Variants in EBF4 observed in about 807,000 individuals in gnomAD.
EBF4 encodes EBF transcription factor 4.
A neutral mutation model predicts 67.1 loss-of-function variants in EBF4; 34 were observed. The ratio of observed to expected loss-of-function variants is 0.51; its 90% CI spans 0.39 to 0.67. The LOEUF (loss-of-function observed/expected upper bound fraction) is 0.67, where lower values mean the gene tolerates loss of function less well. EBF4 is among the 30% of genes least tolerant of loss of function. The pLI is 0.00. For missense variants in EBF4, 837 were observed against 873.3 expected, an observed-to-expected ratio of 0.96 and a Z score of 0.52; for synonymous variants, 387 against 377.7, an observed-to-expected ratio of 1.02 and a Z score of -0.29.
chr20:2,710,037 C>G (rs2146396019), intron 6 of EBF4, among the ~76,000 whole-genome samples: 1 of 152,364 alleles, frequency 6.6e-6, no homozygotes, highest in East Asian at 1.9e-4. Flanking sequence ...GACCTGACTT[C>G]TCTGAACATT....
intron 10 of EBF4, among the ~76,000 whole-genome samples, chr20:2,750,845 G>C (rs2146502118): frequency 6.6e-6 from 1 of 152,298 alleles, no homozygotes; most frequent in Non-Finnish European, 1.5e-5. Context: ...AGGTTGACCT[G>C]GGGAAGGAAG....
At chr20:2,700,046 C>T (rs969348888) in intron 1 of EBF4, among the ~76,000 whole-genome samples, 2 of 152,172 alleles carry the variant, frequency 1.3e-5, no homozygotes, top group African/African-American at 2.4e-5. Flanking sequence ...AAGTAACAGC[C>T]GTAGAAGCCC....
intron 6 of EBF4, among the ~76,000 whole-genome samples, chr20:2,721,624 T>C (rs567164939): frequency 1.3e-5 from 2 of 152,142 alleles, no homozygotes; most frequent in South Asian, 4.2e-4. Context: ...CCAGCTAATT[T>C]TTGTATTTTT....
At position 2,747,740 on chromosome 20, in the gene EBF4, A is replaced by C. The variant is rs920123334; in HGVS notation, c.558-809A>C. Among the ~76,000 whole-genome samples, 1 of 152,214 alleles carries C rather than the reference A, an allele frequency of 6.6e-6. No individual in the cohort carries two copies. The highest frequency in any genetic ancestry group is 6.5e-5 in the Admixed American group (1 of 15,284). On this transcript the variant is annotated intron_variant, in intron 6 of 16. Transcript: ENST00000609451. This position sits in a 1 kb window ranked among gnomAD's most constrained non-coding sequence, Gnocchi z 4.6. ...AACTATATTTTGGGTAATCATTTAC[A>C]ACATAAAATGCGTATTAATGTATTT...
chr20:2,730,622 C>T (rs1020678611), intron 6 of EBF4, among the ~76,000 whole-genome samples: 1 of 152,174 alleles, frequency 6.6e-6, no homozygotes, highest in Non-Finnish European at 1.5e-5. Flanking sequence ...GCCACCATAT[C>T]ACTCAAAACA....
chr20:2,740,807 G>C (rs1433586685), intron 6 of EBF4, among the ~76,000 whole-genome samples: 1 of 152,172 alleles, frequency 6.6e-6, no homozygotes, highest in Non-Finnish European at 1.5e-5. Flanking sequence ...GAGGTCTGGA[G>C]TGTGAATGGC....
chr20:2,735,769 C>T lies in EBF4; in HGVS notation c.558-12780C>T, dbSNP rs527887388. ...AGAAGAGAGGCTTAAACAATGATCC[C>T]TGCCCTCTGAGAGCTTACAGAGCAG... On this transcript the variant is annotated intron_variant, in intron 6 of 16. Coordinates refer to ENST00000609451, the Ensembl canonical transcript of EBF4. 1.5e-4 allele frequency among the ~76,000 whole-genome samples: 23 copies of T among 152,260 alleles called. No homozygotes were observed. In the South Asian group the frequency reaches 4.8e-3, roughly 32 times the overall value.
At chr20:2,725,570 A>G (rs529577205) in intron 6 of EBF4, among the ~76,000 whole-genome samples, 3 of 152,228 alleles carry the variant, frequency 2.0e-5, no homozygotes, top group East Asian at 1.9e-4. Context: ...TATTTCTGCT[A>G]TTACTCATGG....
chr20:2,717,261 T>TTAG (rs2087622170), intron 6 of EBF4, among the ~76,000 whole-genome samples: 1 of 152,336 alleles, frequency 6.6e-6, no homozygotes, highest in East Asian at 1.9e-4. Flanking sequence ...ACTTACCAGG[T>TTAG]TCTAGGCTTT....
chr20:2,754,547 G>T (rs1279570230), intron 14 of EBF4, among the ~76,000 whole-genome samples: 3 of 152,224 alleles, frequency 2.0e-5, no homozygotes, highest in Non-Finnish European at 4.4e-5. Context: ...GCATTTGGAA[G>T]AGGGGCAGCT....
intron 6 of EBF4, among the ~76,000 whole-genome samples, chr20:2,727,689 C>T (rs1247859480): frequency 1.3e-5 from 2 of 152,160 alleles, no homozygotes; most frequent in Admixed American, 6.5e-5. Context: ...TTAAAAATCC[C>T]ACCAACAAAG....
intron 6 of EBF4, among the ~76,000 whole-genome samples, chr20:2,719,221 T>C (rs1312503545): frequency 6.6e-6 from 1 of 152,122 alleles, no homozygotes; most frequent in Admixed American, 6.6e-5. Context: ...GCCTCCTAAA[T>C]AGCTGTGACT....
intron 6 of EBF4, among the ~76,000 whole-genome samples, chr20:2,711,326 G>T (rs1251883225): frequency 6.6e-6 from 1 of 151,966 alleles, no homozygotes; most frequent in East Asian, 1.9e-4. Context: ...TCATTGTATG[G>T]GTATGCCATA....
intron 10 of EBF4, among the ~76,000 whole-genome samples, chr20:2,750,934 A>G (rs1176652563): frequency 5.9e-5 from 9 of 152,262 alleles, no homozygotes; most frequent in African/African-American, 2.2e-4. Context: ...AAGGAAATCC[A>G]CTAAGTCAGG....
At chr20:2,732,970 CT>C (rs1453464136) in intron 6 of EBF4, among the ~76,000 whole-genome samples, 1 of 152,168 alleles carries the variant, frequency 6.6e-6, no homozygotes, top group Non-Finnish European at 1.5e-5. Context: ...TATGTAGTGA[CT>C]TTTACCAGTG....
chr20:2,723,509 C>A (rs527938947), intron 6 of EBF4, among the ~76,000 whole-genome samples: 5,655 of 151,678 alleles, frequency 0.037, 226 homozygotes, highest in African/African-American at 0.096. Context: ...GCCACCACGC[C>A]CGGCTAATTT....
intron 6 of EBF4, among the ~76,000 whole-genome samples, chr20:2,716,458 G>A (rs1051415968): frequency 6.6e-6 from 1 of 151,530 alleles, no homozygotes; most frequent in African/African-American, 2.4e-5. Flanking sequence ...GAACTCAGGA[G>A]GCGGAGGTTG....
chr20:2,695,661 T>C (rs73578032), intron 1 of EBF4, among the ~76,000 whole-genome samples: 2,776 of 152,310 alleles, frequency 0.018, 75 homozygotes, highest in African/African-American at 0.063. Flanking sequence ...CTCCCCACTC[T>C]TCCCCGTGTT....
intron 6 of EBF4, among the ~76,000 whole-genome samples, chr20:2,743,618 G>C (rs1238273184): frequency 6.6e-6 from 1 of 152,176 alleles, no homozygotes. Flanking sequence ...GAAAGGGGTT[G>C]AGGGGAGGGA....
Sources: allele counts gnomAD v4.1 joint callset (sites outside exome capture counted in the v4.1 genomes callset), GRCh38; gene constraint gnomAD v4.1.1; non-coding constraint Gnocchi (gnomAD v3.1); transcripts MANE v1.5; gene names NCBI Gene and HGNC (gene_info 2026-07-23, HGNC 2026-07-21).